ZDHHC12: variants seen among roughly 807,000 people sequenced by gnomAD.
The protein encoded by ZDHHC12 is zDHHC palmitoyltransferase 12, also known as palmitoyltransferase ZDHHC12.
Under a neutral mutation model 33.2 loss-of-function variants are expected in ZDHHC12, and 26 were observed. The ratio of observed to expected loss-of-function variants is 0.78; its 90% CI spans 0.57 to 1.09. The LOEUF is 1.09. Ranked by LOEUF, ZDHHC12 falls within the 50% of genes least tolerant of loss-of-function variation. The pLI is 0.00. For missense variants in ZDHHC12, 350 were observed against 353.0 expected (o/e 0.99, Z 0.07); for synonymous variants, 154 against 152.1 (o/e 1.01, Z -0.09).
rs1198311030 is a variant in ZDHHC12 at position 128,721,594 on chromosome 9, C to T, written c.482+57G>A. 3.8e-6 allele frequency: 6 copies of T among 1,597,474 alleles called. No individual in the cohort carries two copies. The highest frequency in any genetic ancestry group is 2.7e-5 in the African/African-American group (2 of 74,678). The stretch of plus-strand genomic sequence containing the variant: ...GGTCCCTGGGAGTCCTGGCTCTGTC[C>T]ACCCCTGTGGGAGCATTCATCCCAC... On this transcript the variant is annotated intron_variant, in intron 4 of 4. Coordinates refer to ENST00000372663, the MANE Select transcript of ZDHHC12 (RefSeq NM_032799.5). The surrounding 1 kb of genome is among the most constrained non-coding windows in gnomAD (Gnocchi z 6.9).
rs1862561991 is a variant in ZDHHC12 at position 128,721,698 on chromosome 9, G to T, written c.435C>A (p.Tyr145Ter). ...GAAGCACCACCAGCTGCAGCGCCAG[G>T]TAGACCACAAAGAGTGGGTGGTTGC... is the stretch of plus-strand genomic sequence containing the variant. ...GERNHPLFVV[Y>*]LALQLVVLLW... The change falls in exon 4 of 5, where the codon TAC (tyrosine) becomes TAA (stop). Residue 145 changes from tyrosine to a stop codon, truncating the protein, a stop_gained. Transcript: ENST00000372663. LOFTEE classifies it high-confidence loss of function. This position sits in a 1 kb window ranked among gnomAD's most constrained non-coding sequence, Gnocchi z 6.9. 2 of 1,613,944 alleles carry T rather than the reference G, an allele frequency of 1.2e-6. No individual in the cohort carries two copies. The highest frequency in any genetic ancestry group is 1.6e-4 in the Middle Eastern group (1 of 6,062).
At position 128,722,340 on chromosome 9, in the gene ZDHHC12, C is replaced by T. The variant is rs1364838321; in HGVS notation, c.237+98G>A. ...GCTCTAGGGGTGGCAAGAGGAGTCA[C>T]TGAACTGCTCCCACAAGAGCCTGCA... On this transcript the variant is annotated intron_variant, in intron 2 of 4. Coordinates refer to ENST00000372663, the MANE Select transcript of ZDHHC12 (RefSeq NM_032799.5). The surrounding 1 kb of genome is among the most constrained non-coding windows in gnomAD (Gnocchi z 4.2). 1 of 1,410,228 alleles carries T rather than the reference C, an allele frequency of 7.1e-7. No individual in the cohort carries two copies. The highest frequency in any genetic ancestry group is 1.5e-5 in the African/African-American group (1 of 68,886). 87.4% of individuals were successfully genotyped at this position (1,410,228 alleles called of 1,614,324 possible).
rs1321335990 is a variant in ZDHHC12, at chr9:128,721,327, T to C, written c.658A>G (p.Ile220Val). ...CTGGGGCGCTGGCGGAGATAGGCGA[T>C]GCGGTGTGAGGAGATGAATTCCCAG... is the stretch of plus-strand genomic sequence containing the variant. The part of the protein sequence containing the change: ...TTWEFISSHR[I>V]AYLRQRPSNP... The change falls in exon 5 of 5, where the codon ATC becomes GTC. Residue 220 changes from isoleucine to valine, a missense_variant. By Grantham distance (29) the Ile-to-Val change is conservative. Transcript: ENST00000372663. This position sits in a 1 kb window ranked among gnomAD's most constrained non-coding sequence, Gnocchi z 6.9. 3 of 1,593,172 alleles carry C rather than the reference T, an allele frequency of 1.9e-6. No homozygotes were observed. Among genetic ancestry groups the C allele is most frequent in the East Asian group, 4.5e-5 (2 of 44,194 alleles).
Position 128,722,510 on chromosome 9 carries a change from C to G in ZDHHC12, c.165G>C (p.Leu55=), listed in dbSNP as rs781491237. The G allele has an allele frequency of 6.3e-7, 1 of 1,583,974 alleles. No individual in the cohort carries two copies. The highest frequency in any genetic ancestry group is 1.2e-5 in the South Asian group (1 of 86,768). ...LLPLTFLLLV[L]GSLLLYLAVS... ...CAGCGAGGTAGAGCAGCAGGGAGCC[C>G]AGCACCAGGAGCAGGAAGGTGAGGG... The change falls in exon 2 of 5, where the codon CTG becomes CTC. Residue 55 remains leucine, a synonymous_variant. Coordinates refer to ENST00000372663, the MANE Select transcript of ZDHHC12 (RefSeq NM_032799.5). This position sits in a 1 kb window ranked among gnomAD's most constrained non-coding sequence, Gnocchi z 4.2.
rs1346903988 is a variant in ZDHHC12, at chr9:128,721,867, C to T, written c.316-50G>A. ...GCTCAGTGCCAGCCCTGCTGTGGGC[C>T]CACCACTGAGGGAAGGAATCAGGGC... On this transcript the variant is annotated intron_variant, in intron 3 of 4. Transcript: ENST00000372663. This position sits in a 1 kb window ranked among gnomAD's most constrained non-coding sequence, Gnocchi z 6.9. 6.2e-7 allele frequency: 1 copy of T among 1,603,002 alleles called. No homozygotes were observed. Among genetic ancestry groups the T allele is most frequent in the Non-Finnish European group, 8.5e-7 (1 of 1,173,766 alleles).
In ZDHHC12 at chr9:128,722,592, C is replaced by T. The variant is rs1483495932; in HGVS notation, c.101-18G>A. The T allele has an allele frequency of 3.1e-6, 5 of 1,589,048 alleles. No individual in the cohort carries two copies. Among genetic ancestry groups the T allele is most frequent in the Non-Finnish European group, 4.3e-6 (5 of 1,167,460 alleles). On this transcript the variant is annotated intron_variant, in intron 1 of 4. Transcript: ENST00000372663. This position sits in a 1 kb window ranked among gnomAD's most constrained non-coding sequence, Gnocchi z 4.2. Reference sequence around the variant, plus strand: ...CCGCAGCTCTGGAGAGGCCGGAGAGCACAGTGAGGCTGGGCCGGGTAGAAC... The same window carrying T: ...CCGCAGCTCTGGAGAGGCCGGAGAGTACAGTGAGGCTGGGCCGGGTAGAAC...
rs200847005 is a variant in ZDHHC12, at chr9:128,721,398, A to G, written c.587T>C (p.Leu196Pro). 5 of 1,581,088 alleles carry G rather than the reference A, an allele frequency of 3.2e-6. No individual in the cohort carries two copies. The East Asian group carries it at 9.2e-5, about 29-fold the overall frequency. ...CAGGTAGAGGTGCGAGACGAGGAGCAGGCTGGCCACCAACGAGAAGAGGGA... is the reference window on the plus strand; with the variant it reads ...CAGGTAGAGGTGCGAGACGAGGAGCGGGCTGGCCACCAACGAGAAGAGGGA... The part of the protein sequence containing the change: ...LLSLFSLVAS[L>P]LLVSHLYLVA... Residue 196 changes from leucine (L) to proline (P), a missense_variant, in exon 5 of 5, where the codon CTG (leucine) becomes CCG (proline). Transcript: ENST00000372663. This position sits in a 1 kb window ranked among gnomAD's most constrained non-coding sequence, Gnocchi z 6.9.
chr9:128,723,367 A>G lies in ZDHHC12; in HGVS notation c.100+627T>C, dbSNP rs1463569501. 6.6e-6 allele frequency: 1 copy of G among 150,626 alleles called. No individual in the cohort carries two copies. Among genetic ancestry groups the G allele is most frequent in the Non-Finnish European group, 1.5e-5 (1 of 68,022 alleles). 9.3% of individuals were successfully genotyped at this position (150,626 alleles called of 1,614,324 possible). On this transcript the variant is annotated intron_variant, in intron 1 of 4. Transcript: ENST00000372663. The surrounding 1 kb of genome is among the most constrained non-coding windows in gnomAD (Gnocchi z 4.4). ...GTCCAGAAACTGAGGCTGGACCGCC[A>G]TGGAAGGAGGGCTGGGGTCTGCTGT...
Position 128,723,885 on chromosome 9 carries a change from G to T in ZDHHC12, c.100+109C>A. The T allele has an allele frequency of 6.8e-7, 1 of 1,480,282 alleles. No homozygotes were observed. Among genetic ancestry groups the T allele is most frequent in the Non-Finnish European group, 9.1e-7 (1 of 1,096,128 alleles). The allele number at this position is 1,480,282 out of a possible 1,614,324, so 91.7% of individuals were successfully genotyped here. ...GGGCTTCAGGAGCTGGTGGAGATCG[G>T]GCCAATCCCAGGATCTCCAGGGATT... On this transcript the variant is annotated intron_variant, in intron 1 of 4. Transcript: ENST00000372663. This position sits in a 1 kb window ranked among gnomAD's most constrained non-coding sequence, Gnocchi z 4.4.
Position 128,721,251 on chromosome 9 carries a change from C to T in ZDHHC12, c.734G>A (p.Gly245Glu), listed in dbSNP as rs777563371. 13 of 1,605,458 alleles carry T rather than the reference C, an allele frequency of 8.1e-6. No homozygotes were observed. In the South Asian group the frequency reaches 1.5e-4, roughly 18 times the overall value. ...GGTCTCCCAGGACCCTGAGGGCCAT[C>T]CACAGAAGAAGTGGGCCAGGTTGCG... is the stretch of plus-strand genomic sequence containing the variant. ...LTRNLAHFFCGWPSGSWETLW... is the reference protein window; with the variant it reads ...LTRNLAHFFCEWPSGSWETLW... The change falls in exon 5 of 5, where the codon GGA becomes GAA. Residue 245 changes from glycine (G) to glutamate (E), a missense_variant. Coordinates refer to ENST00000372663, the MANE Select transcript of ZDHHC12 (RefSeq NM_032799.5). The surrounding 1 kb of genome is among the most constrained non-coding windows in gnomAD (Gnocchi z 6.9).
At position 128,720,998 on chromosome 9, in the gene ZDHHC12, C is replaced by T. The variant is rs114088277; in HGVS notation, c.*183G>A. 737 of 699,888 alleles carry T rather than the reference C, an allele frequency of 1.1e-3. 3 individuals are homozygous for T. In the African/African-American group the frequency reaches 0.012, roughly 11 times the overall value. 43.4% of individuals were successfully genotyped at this position (699,888 alleles called of 1,614,324 possible). A position where few individuals can be genotyped will look rare whatever the true frequency, so the allele number is the denominator to read the frequency against. On this transcript the variant is annotated 3_prime_UTR_variant, in exon 5 of 5. Coordinates refer to ENST00000372663, the MANE Select transcript of ZDHHC12 (RefSeq NM_032799.5). The surrounding 1 kb of genome is among the most constrained non-coding windows in gnomAD (Gnocchi z 5.5). ...GAGCCACCCACAGGTCCTTTTCTTC[C>T]CCTTCTTCCTTGGAAGGCAGAACTG...
In ZDHHC12 at chr9:128,720,880, A is replaced by T; in HGVS notation, c.*301T>A. ...AAGGAGTGATATGGTTTGTCTTTTT[A>T]AGACTGGACTTGCTTTATATTAAAT... On this transcript the variant is annotated 3_prime_UTR_variant, in exon 5 of 5. Coordinates refer to ENST00000372663, the MANE Select transcript of ZDHHC12 (RefSeq NM_032799.5). The surrounding 1 kb of genome is among the most constrained non-coding windows in gnomAD (Gnocchi z 5.5). 1 of 574,780 alleles carries T rather than the reference A, an allele frequency of 1.7e-6. No individual in the cohort carries two copies. The highest frequency in any genetic ancestry group is 3.1e-6 in the Non-Finnish European group (1 of 325,210). The allele number at this position is 574,780 out of a possible 1,614,324, so 35.6% of individuals were successfully genotyped here.
In ZDHHC12 at chr9:128,723,423, G is replaced by C. The variant is rs1366717457; in HGVS notation, c.100+571C>G. The C allele has an allele frequency of 1.3e-5, 2 of 154,118 alleles. No individual in the cohort carries two copies. Among genetic ancestry groups the C allele is most frequent in the Non-Finnish European group, 2.9e-5 (2 of 69,334 alleles). The allele number at this position is 154,118 out of a possible 1,614,324, so 9.5% of individuals were successfully genotyped here. A position where few individuals can be genotyped will look rare whatever the true frequency, so the allele number is the denominator to read the frequency against. On this transcript the variant is annotated intron_variant, in intron 1 of 4. Transcript: ENST00000372663. This position sits in a 1 kb window ranked among gnomAD's most constrained non-coding sequence, Gnocchi z 4.4. ...ACAGTGGGGGAGGCTGCCTGTGGCA[G>C]GTGAGGCGCTGGGTAGGGGGCTACT...
chr9:128,720,897 A>G lies in ZDHHC12; in HGVS notation c.*284T>C, dbSNP rs1395211206. 12 of 563,894 alleles carry G rather than the reference A, an allele frequency of 2.1e-5. No homozygotes were observed. Among genetic ancestry groups the G allele is most frequent in the Non-Finnish European group, 3.4e-5 (11 of 320,374 alleles). 34.9% of individuals were successfully genotyped at this position (563,894 alleles called of 1,614,324 possible). ...GTCTTTTTAAGACTGGACTTGCTTT[A>G]TATTAAATTTGTAAAAGTGTGCACT... On this transcript the variant is annotated 3_prime_UTR_variant, in exon 5 of 5. Coordinates refer to ENST00000372663, the MANE Select transcript of ZDHHC12 (RefSeq NM_032799.5). The surrounding 1 kb of genome is among the most constrained non-coding windows in gnomAD (Gnocchi z 5.5).
At position 128,723,034 on chromosome 9, in the gene ZDHHC12, T is replaced by G; in HGVS notation, c.101-460A>C. On this transcript the variant is annotated intron_variant, in intron 1 of 4. Transcript: ENST00000372663. The surrounding 1 kb of genome is among the most constrained non-coding windows in gnomAD (Gnocchi z 4.4). ...TCTGAAATGCCTGAGAGAGATACAG[T>G]GGGAAGGGTGCAGCTGGCAGGCTCA... 1 of 178,926 alleles carries G rather than the reference T, an allele frequency of 5.6e-6. No homozygotes were observed. 11.1% of individuals were successfully genotyped at this position (178,926 alleles called of 1,614,324 possible).
rs1862569671 is a variant in ZDHHC12 at position 128,721,852 on chromosome 9, A to G, written c.316-35T>C. ...TGGAGGAGAGTGGAGGCTCAGTGCC[A>G]GCCCTGCTGTGGGCCCACCACTGAG... On this transcript the variant is annotated intron_variant, in intron 3 of 4. Transcript: ENST00000372663. This position sits in a 1 kb window ranked among gnomAD's most constrained non-coding sequence, Gnocchi z 6.9. 4 of 1,606,610 alleles carry G rather than the reference A, an allele frequency of 2.5e-6. No homozygotes were observed. Among genetic ancestry groups the G allele is most frequent in the Non-Finnish European group, 2.6e-6 (3 of 1,175,922 alleles).
rs951665172 is a variant in ZDHHC12, at chr9:128,724,095, G to T, written c.-2C>A. The T allele has an allele frequency of 1.9e-6, 3 of 1,565,514 alleles. No homozygotes were observed. The highest frequency in any genetic ancestry group is 2.6e-6 in the Non-Finnish European group (3 of 1,152,290). On this transcript the variant is annotated 5_prime_UTR_variant, in exon 1 of 5. Transcript: ENST00000372663. ...GCTGAGGAGCGCCCAGGGCGCCATCGCCTCGGCCCGGGGCCCCACCCGGAA... is the reference window on the plus strand; with the variant it reads ...GCTGAGGAGCGCCCAGGGCGCCATCTCCTCGGCCCGGGGCCCCACCCGGAA...
Position 128,721,637 on chromosome 9 carries a change from G to A in ZDHHC12, c.482+14C>T. ...CATCCCACCCTCCCTCTACACCCGG[G>A]CAGCAGCACCCACCATGCCAGGTAC... On this transcript the variant is annotated intron_variant, in intron 4 of 4. Coordinates refer to ENST00000372663, the MANE Select transcript of ZDHHC12 (RefSeq NM_032799.5). This position sits in a 1 kb window ranked among gnomAD's most constrained non-coding sequence, Gnocchi z 6.9. The A allele has an allele frequency of 6.2e-7, 1 of 1,612,134 alleles. No homozygotes were observed. Among genetic ancestry groups the A allele is most frequent in the Non-Finnish European group, 8.5e-7 (1 of 1,178,944 alleles).
chr9:128,722,716 CCAG>C lies in ZDHHC12; in HGVS notation c.101-145_101-143del. 6.9e-7 allele frequency: 1 copy of C among 1,457,794 alleles called. No individual in the cohort carries two copies. 90.3% of individuals were successfully genotyped at this position (1,457,794 alleles called of 1,614,324 possible). On this transcript the variant is annotated intron_variant, in intron 1 of 4. Coordinates refer to ENST00000372663, the MANE Select transcript of ZDHHC12 (RefSeq NM_032799.5). The surrounding 1 kb of genome is among the most constrained non-coding windows in gnomAD (Gnocchi z 4.2). The stretch of plus-strand genomic sequence containing the variant: ...TGGTTCCATGAGTGGCTGTGTGTGG[CCAG>C]CAGTTCATCTGCACTTTTATCTGGA...
Sources: gnomAD v4.1 joint callset for allele counts on GRCh38, gnomAD v4.1.1 for gene constraint, Gnocchi (gnomAD v3.1) non-coding constraint, MANE v1.5 for transcripts, NCBI Gene and HGNC (gene_info 2026-07-23, HGNC 2026-07-21) for gene names.